Variants in TRAK1 observed in about 807,000 individuals in gnomAD.
TRAK1 encodes trafficking kinesin protein 1, also known as trafficking kinesin-binding protein 1.
In TRAK1, 33 loss-of-function variants were observed where a neutral mutation model predicts 92.1. That is an observed-to-expected ratio of 0.36 (90% CI 0.27 to 0.48). TRAK1 has a LOEUF of 0.48. Ranked by LOEUF, TRAK1 falls within the 20% of genes least tolerant of loss-of-function variation. TRAK1 has a pLI of 0.99. For missense variants in TRAK1, 1,123 were observed against 1,257.9 expected, an observed-to-expected ratio of 0.89 and a Z score of 1.62; for synonymous variants, 521 against 517.3, an observed-to-expected ratio of 1.01 and a Z score of -0.10.
At chr3:42,157,270 A>G (rs988749015) in intron 2 of TRAK1, among the ~76,000 whole-genome samples, 2 of 151,482 alleles carry the variant, frequency 1.3e-5, no homozygotes, top group African/African-American at 4.9e-5. Flanking sequence ...ACCAGCCTGG[A>G]CAACATAGTG....
At chr3:42,015,391 C>A (rs184495893) in intron 1 of TRAK1, among the ~76,000 whole-genome samples, 1 of 152,044 alleles carries the variant, frequency 6.6e-6, no homozygotes, top group Admixed American at 6.6e-5. Context: ...GCCCCAGGGA[C>A]CAGTTTCCCA....
chr3:42,109,895 T>C (rs1273348488), intron 1 of TRAK1, among the ~76,000 whole-genome samples: 4 of 150,836 alleles, frequency 2.7e-5, no homozygotes, highest in Non-Finnish European at 5.9e-5. Context: ...AGGCGGGAAT[T>C]GAACTGTGAG....
At chr3:42,112,118 C>G (rs1355328540) in intron 1 of TRAK1, among the ~76,000 whole-genome samples, 1 of 148,920 alleles carries the variant, frequency 6.7e-6, no homozygotes, top group East Asian at 2.0e-4. Context: ...TAATCTAATC[C>G]CTTTCCTCAG....
rs397989334 is a variant in TRAK1 at position 42,219,786 on chromosome 3, G to GTTT, written c.2066+215_2066+217dup. Reference sequence around the variant, plus strand: ...ATCCTTCCTTTTGTTGTTGTTATGTGTTTTTTTTTTTTTTTTTTTTTTTTT... The same window carrying GTTT: ...ATCCTTCCTTTTGTTGTTGTTATGTGTTTTTTTTTTTTTTTTTTTTTTTTTTTT... On this transcript the variant is annotated intron_variant, in intron 15 of 15. Coordinates refer to ENST00000327628, the MANE Select transcript of TRAK1 (RefSeq NM_001042646.3). Among the ~76,000 whole-genome samples the GTTT allele has an allele frequency of 4.2e-3, 264 of 63,502 alleles. 34 individuals carry two copies. The highest frequency in any genetic ancestry group is 9.2e-3 in the African/African-American group (212 of 23,042). 41.7% of individuals were successfully genotyped at this position (63,502 alleles called of 152,430 possible).
chr3:42,181,476 G>A (rs1045820142), intron 3 of TRAK1, among the ~76,000 whole-genome samples: 4 of 152,306 alleles, frequency 2.6e-5, no homozygotes, highest in Middle Eastern at 6.8e-3. Flanking sequence ...CCTAGGTAGC[G>A]GAGGTTGCAG....
At chr3:42,025,545 G>GGA (rs1201554923) in intron 1 of TRAK1, among the ~76,000 whole-genome samples, 1 of 152,096 alleles carries the variant, frequency 6.6e-6, no homozygotes, top group East Asian at 1.9e-4. Context: ...CTGTTCAAAG[G>GGA]GAGAGGGGAA....
intron 9 of TRAK1, 138 bp downstream of exon 9, chr3:42,194,036 T>A: frequency 1.2e-6 from 1 of 832,900 alleles, no homozygotes; most frequent in Non-Finnish European, 1.9e-6. Flanking sequence ...CGTGGGAGAG[T>A]AAACCCAGTT....
intron 7 of TRAK1, among the ~76,000 whole-genome samples, chr3:42,192,320 C>T (rs1399268244): frequency 6.6e-6 from 1 of 152,216 alleles, no homozygotes; most frequent in African/African-American, 2.4e-5. Context: ...CCAGGGTTCT[C>T]ACCTTTGCAA....
chr3:42,073,739 A>G (rs914411419), intron 1 of TRAK1, among the ~76,000 whole-genome samples: 1 of 152,076 alleles, frequency 6.6e-6, no homozygotes, highest in African/African-American at 2.4e-5. Context: ...GATATTTTCC[A>G]CTGCGCAGCC....
intron 14 of TRAK1, chr3:42,210,728 AT>A (rs1270104908): frequency 2.2e-5 from 22 of 986,104 alleles, no homozygotes; most frequent in Non-Finnish European, 2.6e-5. Context: ...TTCAAAGTGG[AT>A]TTTTAAAAAG....
At chr3:42,066,339 G>T (rs1703675374) in intron 1 of TRAK1, among the ~76,000 whole-genome samples, 1 of 152,180 alleles carries the variant, frequency 6.6e-6, no homozygotes, top group Admixed American at 6.5e-5. Flanking sequence ...AAAAAGAAAA[G>T]TTTTAGTTGT....
intron 1 of TRAK1, among the ~76,000 whole-genome samples, chr3:42,024,753 A>G (rs193078829): frequency 6.6e-6 from 1 of 152,272 alleles, no homozygotes; most frequent in East Asian, 1.9e-4. Context: ...CACCCATGCT[A>G]TTGTGTTACC....
intron 1 of TRAK1, among the ~76,000 whole-genome samples, chr3:42,038,917 A>AT (rs200705915): frequency 0.027 from 3,754 of 140,046 alleles, 65 homozygotes; most frequent in East Asian, 0.066. Flanking sequence ...GTTGGGATTG[A>AT]TTTTTTAAAA....
chr3:42,061,482 A>G (rs564734260), intron 1 of TRAK1, among the ~76,000 whole-genome samples: 3 of 152,166 alleles, frequency 2.0e-5, no homozygotes, highest in South Asian at 2.1e-4. Flanking sequence ...GCAAGGAGCT[A>G]CTTTGAAGCT....
intron 2 of TRAK1, among the ~76,000 whole-genome samples, chr3:42,144,351 A>G (rs1362997355): frequency 1.3e-5 from 2 of 152,086 alleles, no homozygotes; most frequent in Non-Finnish European, 2.9e-5. Flanking sequence ...GCACTGTGCT[A>G]AGTGCTCTGC....
chr3:42,198,110 GA>G (rs1202685220), intron 10 of TRAK1, among the ~76,000 whole-genome samples: 3 of 152,088 alleles, frequency 2.0e-5, no homozygotes, highest in African/African-American at 7.2e-5. Context: ...ATCCTCCATG[GA>G]TATCCTCCTC....
rs149459873 is a variant in TRAK1 at position 42,210,470 on chromosome 3, T to G, written c.1963+485T>G. 4.0e-6 allele frequency: 5 copies of G among 1,251,428 alleles called. No homozygotes were observed. In the East Asian group the frequency reaches 1.3e-4, roughly 31 times the overall value. 77.5% of individuals were successfully genotyped at this position (1,251,428 alleles called of 1,614,324 possible). ...AAAACATCAGTGCCCTTCTTCCTGG[T>G]CTGGGTGTCTCCCTGAGTCTAAGGG... On this transcript the variant is annotated intron_variant, in intron 14 of 15. Transcript: ENST00000327628.
intron 15 of TRAK1, chr3:42,220,668 A>T (rs1402234340): frequency 1.1e-6 from 1 of 917,402 alleles, no homozygotes; most frequent in Non-Finnish European, 1.3e-6. Flanking sequence ...GGCCGCCACT[A>T]ACCCGGGGAC....
At chr3:42,053,159 T>C in intron 1 of TRAK1, among the ~76,000 whole-genome samples, 1 of 152,144 alleles carries the variant, frequency 6.6e-6, no homozygotes, top group East Asian at 1.9e-4. Flanking sequence ...GCCCACACAG[T>C]GAAGTCTTTT....
Sources: allele counts gnomAD v4.1 joint callset (sites outside exome capture counted in the v4.1 genomes callset), GRCh38; gene constraint gnomAD v4.1.1; transcripts MANE v1.5; gene names NCBI Gene and HGNC (gene_info 2026-07-23, HGNC 2026-07-21).